PTPRT: variants seen among roughly 807,000 people sequenced by gnomAD.
PTPRT encodes receptor-type tyrosine-protein phosphatase T.
A neutral mutation model predicts 176.8 loss-of-function variants in PTPRT; 56 were observed. That is an observed-to-expected ratio of 0.32 (90% CI 0.26 to 0.40). PTPRT has a LOEUF of 0.40. Ranked by LOEUF, PTPRT falls within the 10% of genes least tolerant of loss-of-function variation. The pLI, the probability that PTPRT is intolerant of heterozygous loss-of-function variation, is 1.00. For missense variants in PTPRT, 1,540 were observed against 1,908.2 expected (o/e 0.81, Z 3.60); for synonymous variants, 783 against 739.0 (o/e 1.06, Z -0.96).
At chr20:42,809,259 G>T (rs1372445923) in intron 2 of PTPRT, among the ~76,000 whole-genome samples, 3 of 152,176 alleles carry the variant, frequency 2.0e-5, no homozygotes, top group African/African-American at 4.8e-5. Context: ...CCAGACTGAG[G>T]ACAGGAGAAA....
chr20:43,083,320 GTATATATATATATATATA>G (rs779087395), intron 1 of PTPRT, among the ~76,000 whole-genome samples: 65 of 37,384 alleles, frequency 1.7e-3, no homozygotes, highest in Non-Finnish European at 3.4e-3. Context: ...CACTTCAAAT[GTATATATATATATATATA>G]TATATATATA....
At chr20:42,532,940 G>A (rs577768621) in intron 7 of PTPRT, among the ~76,000 whole-genome samples, 13 of 152,116 alleles carry the variant, frequency 8.5e-5, no homozygotes, top group African/African-American at 2.4e-4. Flanking sequence ...TATGCAAGTC[G>A]TTTAGCAGAG....
intron 7 of PTPRT, among the ~76,000 whole-genome samples, chr20:42,628,211 T>C (rs766362344): frequency 1.8e-4 from 28 of 152,254 alleles, no homozygotes; most frequent in Middle Eastern, 3.4e-3. Context: ...TGGGTTGTTA[T>C]AAGGAGGCAG....
At chr20:42,873,571 A>G (rs1488083712) in intron 2 of PTPRT, among the ~76,000 whole-genome samples, 1 of 152,220 alleles carries the variant, frequency 6.6e-6, no homozygotes, top group Admixed American at 6.5e-5. Flanking sequence ...AAAAGGTAAA[A>G]AAGAAATGGG....
At chr20:43,169,307 C>CCA (rs1388790756) in intron 1 of PTPRT, among the ~76,000 whole-genome samples, 2 of 152,162 alleles carry the variant, frequency 1.3e-5, no homozygotes, top group Non-Finnish European at 2.9e-5. Flanking sequence ...TACTGGGAGC[C>CCA]CACATCTATT....
chr20:42,432,130 G>A lies in PTPRT; in HGVS notation c.1560+16090C>T, dbSNP rs114989036. Reference sequence around the variant, plus strand: ...AAAACAGCTATGAGAGAAGGGAGACGCCCAAGCCATCCTCAGTTCCCACCT... The same window carrying A: ...AAAACAGCTATGAGAGAAGGGAGACACCCAAGCCATCCTCAGTTCCCACCT... On this transcript the variant is annotated intron_variant, in intron 9 of 30. Transcript: ENST00000373187. Among the ~76,000 whole-genome samples, 518 of 152,242 alleles carry A rather than the reference G, an allele frequency of 3.4e-3. 4 individuals are homozygous for A. Among genetic ancestry groups the A allele is most frequent in the African/African-American group, 0.012 (495 of 41,536 alleles).
chr20:42,755,012 GT>G (rs1224486816), intron 6 of PTPRT, among the ~76,000 whole-genome samples: 1 of 152,238 alleles, frequency 6.6e-6, no homozygotes, highest in East Asian at 1.9e-4. Flanking sequence ...AAGTCACCAA[GT>G]AAACAAATAA....
chr20:42,591,170 T>G (rs2073567007), intron 7 of PTPRT, among the ~76,000 whole-genome samples: 1 of 152,098 alleles, frequency 6.6e-6, no homozygotes, highest in African/African-American at 2.4e-5. Context: ...GTATCTAAAG[T>G]CTTTTTTAAA....
chr20:42,751,278 G>A (rs1027048662), intron 6 of PTPRT, among the ~76,000 whole-genome samples: 2 of 152,134 alleles, frequency 1.3e-5, no homozygotes, highest in East Asian at 3.9e-4. Context: ...AGTGGTTAGG[G>A]TTTTGAATGA....
intron 9 of PTPRT, among the ~76,000 whole-genome samples, chr20:42,377,781 A>C (rs1303399748): frequency 1.3e-5 from 2 of 152,228 alleles, no homozygotes; most frequent in Non-Finnish European, 2.9e-5. Flanking sequence ...CCTGTGGAAG[A>C]CATGGCTTTG....
At chr20:42,439,770 A>T (rs991893809) in intron 9 of PTPRT, among the ~76,000 whole-genome samples, 4 of 152,202 alleles carry the variant, frequency 2.6e-5, no homozygotes, top group Non-Finnish European at 1.5e-5. Flanking sequence ...GCATATGGAT[A>T]GCGCCCCCTC....
chr20:42,473,569 A>G (rs1345723519), intron 7 of PTPRT, among the ~76,000 whole-genome samples: 12 of 152,088 alleles, frequency 7.9e-5, no homozygotes, highest in Non-Finnish European at 4.4e-5. Flanking sequence ...TCAAACTCCT[A>G]GGCTCAAGCA....
intron 22 of PTPRT, among the ~76,000 whole-genome samples, chr20:42,114,001 G>A (rs927786722): frequency 6.6e-6 from 1 of 152,212 alleles, no homozygotes; most frequent in African/African-American, 2.4e-5. Context: ...TGTGCATGCC[G>A]GGCTCTAGTC....
intron 6 of PTPRT, among the ~76,000 whole-genome samples, chr20:42,748,452 A>T (rs190864668): frequency 6.6e-5 from 10 of 152,260 alleles, no homozygotes; most frequent in Admixed American, 1.3e-4. Context: ...TCCCTATACA[A>T]GCACAGAGCT....
chr20:42,381,917 A>G (rs1178230887), intron 9 of PTPRT, among the ~76,000 whole-genome samples: 3 of 152,232 alleles, frequency 2.0e-5, no homozygotes, highest in African/African-American at 7.2e-5. Context: ...TCTAATGTGT[A>G]ACATAGCGAT....
At chr20:42,032,896 T>C in the PTPRT span, among the ~76,000 whole-genome samples, 1 of 152,202 alleles carries the variant, frequency 6.6e-6, no homozygotes, top group Admixed American at 6.5e-5. Flanking sequence ...AATGAACCTG[T>C]GAACAACCAT....
At chr20:42,168,442 C>CA (rs1224573206) in intron 16 of PTPRT, among the ~76,000 whole-genome samples, 9 of 152,156 alleles carry the variant, frequency 5.9e-5, no homozygotes, top group Non-Finnish European at 1.3e-4. Flanking sequence ...GGCTGGCAGT[C>CA]AGTGCCTCCC....
intron 13 of PTPRT, among the ~76,000 whole-genome samples, chr20:42,276,558 T>A (rs1231920337): frequency 2.4e-4 from 22 of 91,278 alleles, no homozygotes; most frequent in South Asian, 3.8e-4. Context: ...TATATATATA[T>A]AATGTTCTTG....
intron 7 of PTPRT, among the ~76,000 whole-genome samples, chr20:42,571,626 C>T (rs6130168): frequency 0.38 from 57,072 of 152,058 alleles, 10,994 homozygotes; most frequent in South Asian, 0.45. Context: ...TACAACAGAT[C>T]TCTAGAAGTG....
Sources: gnomAD v4.1 joint callset for allele counts (sites outside exome capture counted in the v4.1 genomes callset) on GRCh38, gnomAD v4.1.1 for gene constraint, MANE v1.5 for transcripts, NCBI Gene and HGNC (gene_info 2026-07-23, HGNC 2026-07-21) for gene names.